Variants in KCNH7 observed in about 807,000 individuals in gnomAD.
KCNH7 encodes potassium voltage-gated channel subfamily H member 7, also known as voltage-gated inwardly rectifying potassium channel KCNH7.
In KCNH7, 49 loss-of-function variants were observed where a neutral mutation model predicts 120.8. The observed-to-expected ratio is 0.41, with a 90% CI of 0.32 to 0.51. KCNH7 has a LOEUF of 0.51. KCNH7 is among the 20% of genes least tolerant of loss of function. The pLI, the probability that KCNH7 is intolerant of heterozygous loss-of-function variation, is 0.38. For missense variants in KCNH7, 1,097 were observed against 1,446.6 expected (o/e 0.76, Z 3.92); for synonymous variants, 547 against 516.1 (o/e 1.06, Z -0.81).
chr2:162,597,234 A>G (rs1367115397), intron 2 of KCNH7, among the ~76,000 whole-genome samples: 1 of 152,074 alleles, frequency 6.6e-6, no homozygotes, highest in East Asian at 1.9e-4. Flanking sequence ...CCGTAGAGAT[A>G]TCTCTCCTCC....
At chr2:162,686,250 AC>A (rs1430055314) in intron 2 of KCNH7, among the ~76,000 whole-genome samples, 10 of 152,236 alleles carry the variant, frequency 6.6e-5, no homozygotes, top group African/African-American at 2.2e-4. Context: ...AAATTAAAAA[AC>A]ATGTTTGCTT....
At chr2:162,791,845 C>T (rs1272602274) in intron 2 of KCNH7, among the ~76,000 whole-genome samples, 1 of 152,094 alleles carries the variant, frequency 6.6e-6, no homozygotes, top group Non-Finnish European at 1.5e-5. Context: ...GAGAGGGCAT[C>T]CTTGTCTTGT....
At chr2:162,830,079 C>A (rs760344690) in intron 2 of KCNH7, among the ~76,000 whole-genome samples, 4 of 152,064 alleles carry the variant, frequency 2.6e-5, no homozygotes, top group African/African-American at 4.8e-5. Flanking sequence ...AGCCTAGAAC[C>A]AAGTGCTATG....
At chr2:162,592,497 G>C (rs932784275) in intron 2 of KCNH7, among the ~76,000 whole-genome samples, 1 of 151,948 alleles carries the variant, frequency 6.6e-6, no homozygotes, top group African/African-American at 2.4e-5. Flanking sequence ...TGAGAAAATG[G>C]ACTCTTGGCT....
chr2:162,832,757 CA>C (rs1241025671), intron 2 of KCNH7, among the ~76,000 whole-genome samples: 1 of 151,934 alleles, frequency 6.6e-6, no homozygotes, highest in Non-Finnish European at 1.5e-5. Flanking sequence ...CACCTTGATT[CA>C]CAAAAACACA....
rs945921415 is a variant in KCNH7, at chr2:162,813,990, C to A, written c.307+22547G>T. Among the ~76,000 whole-genome samples, 9 of 152,292 alleles carry A rather than the reference C, an allele frequency of 5.9e-5. No homozygotes were observed. In the South Asian group the frequency reaches 6.2e-4, roughly 11 times the overall value. ...AGTGAATCATTCCATTAAACACATT[C>A]TGACTTTTAATAAAGAATTTGAAAT... On this transcript the variant is annotated intron_variant, in intron 2 of 15. Coordinates refer to ENST00000332142, the MANE Select transcript of KCNH7 (RefSeq NM_033272.4).
rs918286381 is a variant in KCNH7 at position 162,638,817 on chromosome 2, C to T, written c.308-101737G>A. Among the ~76,000 whole-genome samples the T allele has an allele frequency of 4.3e-4, 65 of 151,990 alleles. 1 individual carries two copies. Among genetic ancestry groups the T allele is most frequent in the Admixed American group, 3.9e-4 (6 of 15,238 alleles). The stretch of plus-strand genomic sequence containing the variant: ...TGGGGGAGACCAATCGATAAGAGGG[C>T]CTAGAGAAAGTAGGTTTAGTCCAAG... On this transcript the variant is annotated intron_variant, in intron 2 of 15. Coordinates refer to ENST00000332142, the MANE Select transcript of KCNH7 (RefSeq NM_033272.4).
chr2:162,408,631 C>T (rs1247924756), intron 9 of KCNH7, among the ~76,000 whole-genome samples: 1 of 151,852 alleles, frequency 6.6e-6, no homozygotes, highest in Admixed American at 6.6e-5. Context: ...AGAAGGAAAA[C>T]ACTATCTCCC....
chr2:162,398,954 A>C (rs1686994488), intron 10 of KCNH7, among the ~76,000 whole-genome samples: 1 of 151,872 alleles, frequency 6.6e-6, no homozygotes, highest in Non-Finnish European at 1.5e-5. Flanking sequence ...TATATAAGAA[A>C]ATCATGTGAG....
At chr2:162,830,007 A>C (rs938942904) in intron 2 of KCNH7, among the ~76,000 whole-genome samples, 2 of 152,142 alleles carry the variant, frequency 1.3e-5, no homozygotes, top group African/African-American at 4.8e-5. Flanking sequence ...TAAGCTAAAA[A>C]TAGACTAAAT....
intron 2 of KCNH7, among the ~76,000 whole-genome samples, chr2:162,549,797 A>G (rs1322438004): frequency 6.6e-6 from 1 of 152,242 alleles, no homozygotes; most frequent in Non-Finnish European, 1.5e-5. Flanking sequence ...AGAGATTAAT[A>G]AAACAGATAA....
At chr2:162,678,916 T>C (rs1337906839) in intron 2 of KCNH7, among the ~76,000 whole-genome samples, 1 of 151,668 alleles carries the variant, frequency 6.6e-6, no homozygotes, top group South Asian at 2.1e-4. Context: ...TACATATTTA[T>C]ACCTAAAATT....
At chr2:162,611,967 T>A (rs970902357) in intron 2 of KCNH7, among the ~76,000 whole-genome samples, 2 of 152,172 alleles carry the variant, frequency 1.3e-5, no homozygotes, top group African/African-American at 4.8e-5. Flanking sequence ...GAAGGACAGA[T>A]GTTTGGAATA....
intron 2 of KCNH7, among the ~76,000 whole-genome samples, chr2:162,699,072 T>G (rs1022940697): frequency 2.0e-5 from 3 of 152,128 alleles, no homozygotes; most frequent in Non-Finnish European, 4.4e-5. Flanking sequence ...CTTATCATTT[T>G]TTGTGGTGAA....
chr2:162,437,921 G>T (rs1688299540), intron 7 of KCNH7, among the ~76,000 whole-genome samples: 1 of 152,110 alleles, frequency 6.6e-6, no homozygotes, highest in Non-Finnish European at 1.5e-5. Context: ...GAGGCACACT[G>T]ACTGCTCAGA....
intron 8 of KCNH7, among the ~76,000 whole-genome samples, chr2:162,430,060 A>T (rs1487875358): frequency 1.3e-5 from 2 of 151,898 alleles, no homozygotes; most frequent in Non-Finnish European, 2.9e-5. Context: ...TCTTAAAAAA[A>T]GTTAGATGTT....
chr2:162,558,387 G>T (rs1692934190), intron 2 of KCNH7, among the ~76,000 whole-genome samples: 2 of 151,924 alleles, frequency 1.3e-5, no homozygotes, highest in Admixed American at 6.6e-5. Flanking sequence ...TCTTAGCCAG[G>T]ATGGTCTCGA....
chr2:162,682,805 T>C (rs1685757500), intron 2 of KCNH7, among the ~76,000 whole-genome samples: 1 of 151,918 alleles, frequency 6.6e-6, no homozygotes, highest in South Asian at 2.1e-4. Context: ...TATCTGTATT[T>C]GTAATGGTCA....
intron 6 of KCNH7, among the ~76,000 whole-genome samples, chr2:162,451,867 A>G (rs895867861): frequency 1.3e-5 from 2 of 151,978 alleles, no homozygotes; most frequent in Non-Finnish European, 2.9e-5. Context: ...GCCATATTCT[A>G]TTGGGAAAAG....
Sources: gnomAD v4.1 joint callset for allele counts (sites outside exome capture counted in the v4.1 genomes callset) on GRCh38, gnomAD v4.1.1 for gene constraint, MANE v1.5 for transcripts, NCBI Gene and HGNC (gene_info 2026-07-23, HGNC 2026-07-21) for gene names.